Variants in SETD5 observed in about 807,000 individuals in gnomAD.
SETD5 encodes the protein histone-lysine N-methyltransferase SETD5.
Under a neutral mutation model 153.3 loss-of-function variants are expected in SETD5, and 44 were observed. The observed-to-expected ratio is 0.29, with a 90% CI of 0.23 to 0.37. The LOEUF is 0.37. Among genes scored for constraint, SETD5 ranks in the 10% least tolerant of loss-of-function variants. SETD5 has a pLI of 1.00. For missense variants in SETD5, 1,544 were observed against 1,768.0 expected, an observed-to-expected ratio of 0.87 and a Z score of 2.27; for synonymous variants, 716 against 645.2, an observed-to-expected ratio of 1.11 and a Z score of -1.66.
In SETD5 at chr3:9,440,460, C is replaced by T. The variant is rs1468673040; in HGVS notation, c.572C>T (p.Ser191Phe). ...AAPKTKKIKN[S>F]PSEAQNLDEN... ...CCCTGAATTTGTTTTCTACAGAATT[C>T]TCCCTCTGAAGCACAGAATTTAGAT... Residue 191 changes from serine (S) to phenylalanine (F), a missense_variant, in exon 8 of 23, where the codon TCT becomes TTT. By Grantham distance (155) the Ser-to-Phe change is radical. Transcript: ENST00000402198. The T allele has an allele frequency of 6.6e-7, 1 of 1,522,536 alleles. No homozygotes were observed. The highest frequency in any genetic ancestry group is 1.4e-5 in the African/African-American group (1 of 73,028). 94.3% of individuals were successfully genotyped at this position (1,522,536 alleles called of 1,614,324 possible). A position where few individuals can be genotyped will look rare whatever the true frequency, so the allele number is the denominator to read the frequency against.
intron 1 of SETD5, among the ~76,000 whole-genome samples, chr3:9,419,070 A>C (rs1237367292): frequency 6.6e-6 from 1 of 151,780 alleles, no homozygotes; most frequent in Non-Finnish European, 1.5e-5. Flanking sequence ...CAGGTGATCC[A>C]CCCGCCTTGG....
rs540409532 is a variant in SETD5 at position 9,446,083 on chromosome 3, C to T, written c.1524+343C>T. Among the ~76,000 whole-genome samples, 6 of 147,024 alleles carry T rather than the reference C, an allele frequency of 4.1e-5. No homozygotes were observed. In the South Asian group the frequency reaches 8.6e-4, roughly 21 times the overall value. The stretch of plus-strand genomic sequence containing the variant: ...TGGGCGGATCACGAGGTCAGGAGAT[C>T]GAGACCATCCTCGCTAACACGGTGA... On this transcript the variant is annotated intron_variant, in intron 13 of 22. Coordinates refer to ENST00000402198, the MANE Select transcript of SETD5 (RefSeq NM_001080517.3).
chr3:9,424,353 G>C (rs1481272858), intron 1 of SETD5, 114 bp from the exon 2 acceptor site: 2 of 152,198 alleles, frequency 1.3e-5, no homozygotes, highest in African/African-American at 2.4e-5. Context: ...TAGTATAGAT[G>C]TAGGATGATA....
intron 19 of SETD5, among the ~76,000 whole-genome samples, chr3:9,471,839 A>G (rs2125589689): frequency 6.6e-6 from 1 of 152,384 alleles, no homozygotes; most frequent in East Asian, 1.9e-4. Context: ...TGTAATGGCC[A>G]AACATCTGTA....
rs147867570 is a variant in SETD5 at position 9,447,071 on chromosome 3, G to A, written c.1546G>A (p.Glu516Lys). Residue 516 changes from glutamate to lysine, a missense_variant, in exon 14 of 23, where the codon GAA becomes AAA. Physicochemically the swap from Glu to Lys is moderately conservative, Grantham distance 56. Around this residue, in one of 9 missense-constraint regions of SETD5, gnomAD observed 782 missense variants for 787.2 expected, o/e 0.99. Transcript: ENST00000402198. Reference sequence around the variant, plus strand: ...CTAGACCAGGGAAGATAGAAAGGTAGAAGCCATCATGCATGCTTTTGAAAA... The same window carrying A: ...CTAGACCAGGGAAGATAGAAAGGTAAAAGCCATCATGCATGCTTTTGAAAA... Reference protein sequence around the residue: ...SRRTREDRKVEAIMHAFENLE... With the variant: ...SRRTREDRKVKAIMHAFENLE... The A allele has an allele frequency of 1.5e-4, 238 of 1,612,886 alleles. No individual in the cohort carries two copies. The highest frequency in any genetic ancestry group is 1.9e-4 in the Non-Finnish European group (223 of 1,179,380).
intron 18 of SETD5, chr3:9,468,596 A>G: frequency 7.7e-7 from 1 of 1,303,330 alleles, no homozygotes; most frequent in East Asian, 5.6e-5. Flanking sequence ...CACCATCTCA[A>G]TCACACTTGG....
rs1327266289 is a variant in SETD5 at position 9,397,617 on chromosome 3, T to G, written c.-537T>G. The G allele has an allele frequency of 1.2e-5, 2 of 173,796 alleles. No homozygotes were observed. The highest frequency in any genetic ancestry group is 2.4e-5 in the African/African-American group (1 of 41,530). The allele number at this position is 173,796 out of a possible 1,614,324, so 10.8% of individuals were successfully genotyped here. A position where few individuals can be genotyped will look rare whatever the true frequency, so the allele number is the denominator to read the frequency against. ...GCGCTGGGAATCCCCGTGCGGTCAG[T>G]GGCGTTTCCGCTCGGGCAGCGGGCT... On this transcript the variant is annotated 5_prime_UTR_variant, in exon 1 of 23. Coordinates refer to ENST00000402198, the MANE Select transcript of SETD5 (RefSeq NM_001080517.3).
intron 1 of SETD5, among the ~76,000 whole-genome samples, chr3:9,420,661 C>G (rs558783635): frequency 2.0e-5 from 3 of 152,098 alleles, no homozygotes; most frequent in African/African-American, 4.8e-5. Context: ...CTTTCAGTCC[C>G]GAACCCCTAA....
rs1367826373 is a variant in SETD5 at position 9,434,014 on chromosome 3, A to G, written c.177+64A>G. On this transcript the variant is annotated intron_variant, in intron 4 of 22. Coordinates refer to ENST00000402198, the MANE Select transcript of SETD5 (RefSeq NM_001080517.3). This position sits in a 1 kb window ranked among gnomAD's most constrained non-coding sequence, Gnocchi z 5.6. ...CCTGGAGTGTAATCCATTCTTATAC[A>G]TTGTGACTTTCTTGAAATGTTTATA... The G allele has an allele frequency of 1.2e-6, 2 of 1,612,956 alleles. No homozygotes were observed. Among genetic ancestry groups the G allele is most frequent in the Non-Finnish European group, 1.7e-6 (2 of 1,179,618 alleles).
intron 16 of SETD5, among the ~76,000 whole-genome samples, chr3:9,452,801 TATA>T (rs1329889497): frequency 1.3e-5 from 2 of 151,762 alleles, no homozygotes; most frequent in Non-Finnish European, 2.9e-5. Context: ...AGGTATAAAT[TATA>T]ATAATTCACC....
Position 9,434,708 on chromosome 3 carries a change from A to G in SETD5, c.330-116A>G. ...TTGATATGAAATTTAATGTCCTGGA[A>G]ACATTTGGTAGGTGGGAGGGAGGGG... On this transcript the variant is annotated intron_variant, in intron 5 of 22. Coordinates refer to ENST00000402198, the MANE Select transcript of SETD5 (RefSeq NM_001080517.3). The surrounding 1 kb of genome is among the most constrained non-coding windows in gnomAD (Gnocchi z 5.6). 6 of 1,465,608 alleles carry G rather than the reference A, an allele frequency of 4.1e-6. No homozygotes were observed. Among genetic ancestry groups the G allele is most frequent in the Non-Finnish European group, 5.4e-6 (6 of 1,104,596 alleles). 90.8% of individuals were successfully genotyped at this position (1,465,608 alleles called of 1,614,324 possible).
At chr3:9,453,698 T>C (rs1166261296) in intron 16 of SETD5, 41 bp from the exon 17 acceptor site, 1 of 1,545,432 alleles carries the variant, frequency 6.5e-7, no homozygotes, top group Non-Finnish European at 8.7e-7. Context: ...TAAATAGTTT[T>C]AGATAATTAT....
At chr3:9,453,579 A>G (rs2125352518) in intron 16 of SETD5, among the ~76,000 whole-genome samples, 160 bp from the exon 17 acceptor site, 1 of 152,326 alleles carries the variant, frequency 6.6e-6, no homozygotes. Flanking sequence ...TGATAGGACA[A>G]TGTTCCAATA....
At chr3:9,442,539 G>A (rs565250794) in intron 10 of SETD5, among the ~76,000 whole-genome samples, 8 of 152,264 alleles carry the variant, frequency 5.3e-5, no homozygotes, top group South Asian at 2.1e-4. Flanking sequence ...ATTGCCATAC[G>A]GTGGAAGTAG....
chr3:9,457,134 A>G (rs1206192411), intron 17 of SETD5, among the ~76,000 whole-genome samples: 3 of 152,214 alleles, frequency 2.0e-5, no homozygotes, highest in Admixed American at 6.5e-5. Context: ...CATTATTTGT[A>G]AATGATGTGG....
chr3:9,426,789 C>T (rs1226474967), intron 2 of SETD5, among the ~76,000 whole-genome samples: 10 of 152,278 alleles, frequency 6.6e-5, no homozygotes, highest in African/African-American at 1.7e-4. Context: ...CCACCTGCCT[C>T]AGCCTCCCAA....
intron 13 of SETD5, among the ~76,000 whole-genome samples, chr3:9,445,962 GTTGTTTTTTTTT>G (rs1349012510): frequency 8.3e-6 from 1 of 120,248 alleles, no homozygotes; most frequent in African/African-American, 3.5e-5. Flanking sequence ...GTTTGAAGAG[GTTGTTTTTTTTT>G]TTTTTTTTTT....
chr3:9,438,856 T>C (rs949584841), intron 7 of SETD5, among the ~76,000 whole-genome samples: 2 of 152,178 alleles, frequency 1.3e-5, no homozygotes, highest in African/African-American at 2.4e-5. Context: ...ATACACTCAG[T>C]TGAGATTATC....
intron 3 of SETD5, 116 bp downstream of exon 3, chr3:9,429,125 T>G (rs886749344): frequency 8.9e-5 from 55 of 616,592 alleles, no homozygotes; most frequent in Non-Finnish European, 1.3e-4. Flanking sequence ...TATTCCACTG[T>G]AATTAACATT....
Sources: allele counts gnomAD v4.1 joint callset (sites outside exome capture counted in the v4.1 genomes callset), GRCh38; gene constraint gnomAD v4.1.1; regional missense constraint gnomAD v4.1.1; non-coding constraint Gnocchi (gnomAD v3.1); transcripts MANE v1.5; gene names NCBI Gene and HGNC (gene_info 2026-07-23, HGNC 2026-07-21).